TENM2: variants seen among roughly 807,000 people sequenced by gnomAD.
TENM2 encodes the protein teneurin-2.
A neutral mutation model predicts 245.2 loss-of-function variants in TENM2; 52 were observed. That is an observed-to-expected ratio of 0.21 (90% CI 0.17 to 0.27). The LOEUF is 0.27. Ranked by LOEUF, TENM2 falls within the 10% of genes least tolerant of loss-of-function variation. The probability of loss-of-function intolerance (pLI) is 1.00; values close to 1 mark genes in which losing one functional copy is unlikely to be tolerated. For synonymous variants in TENM2, 1,363 were observed against 1,438.9 expected, an observed-to-expected ratio of 0.95 and a Z score of 1.19; for missense variants, 3,046 against 3,666.8, an observed-to-expected ratio of 0.83 and a Z score of 4.37.
Position 167,538,880 on chromosome 5 carries a change from A to C in TENM2, c.502+163407A>C, listed in dbSNP as rs538237243. ...GTCGAAACGCAGAAGGCAAAATAAG[A>C]GTTAGGCTCTCTCTAGGCTCAGTAT... On this transcript the variant is annotated intron_variant, in intron 2 of 28. Transcript: ENST00000518659. Among the ~76,000 whole-genome samples the C allele has an allele frequency of 2.5e-3, 386 of 152,276 alleles. 2 individuals carry two copies. Among genetic ancestry groups the C allele is most frequent in the Non-Finnish European group, 4.6e-3 (311 of 68,006 alleles).
At chr5:167,595,787 G>A (rs1014366492) in intron 2 of TENM2, among the ~76,000 whole-genome samples, 1 of 152,154 alleles carries the variant, frequency 6.6e-6, no homozygotes, top group Non-Finnish European at 1.5e-5. Flanking sequence ...TGTTTGTAAT[G>A]TACAAATAGA....
intron 2 of TENM2, among the ~76,000 whole-genome samples, chr5:167,694,100 C>A (rs1757608000): frequency 6.6e-6 from 1 of 152,204 alleles, no homozygotes; most frequent in Non-Finnish European, 1.5e-5. Flanking sequence ...CAAAAATCAT[C>A]AGCCTCCTAA....
intron 2 of TENM2, among the ~76,000 whole-genome samples, chr5:167,848,461 T>C (rs752623015): frequency 6.6e-6 from 1 of 152,174 alleles, no homozygotes; most frequent in African/African-American, 2.4e-5. Flanking sequence ...AAACATATTA[T>C]ATATTTTGTA....
At chr5:167,810,555 A>T (rs547624318) in intron 2 of TENM2, among the ~76,000 whole-genome samples, 1 of 151,918 alleles carries the variant, frequency 6.6e-6, no homozygotes, top group Non-Finnish European at 1.5e-5. Context: ...AGCTTACAGG[A>T]TTATTGCTCT....
chr5:167,993,480 C>T (rs1783823004), intron 5 of TENM2, among the ~76,000 whole-genome samples: 1 of 152,252 alleles, frequency 6.6e-6, no homozygotes, highest in Admixed American at 6.5e-5. Flanking sequence ...CTATCCCTCA[C>T]TCTCAGAGTG....
intron 13 of TENM2, among the ~76,000 whole-genome samples, chr5:168,173,548 T>C (rs1403569755): frequency 6.6e-6 from 1 of 152,074 alleles, no homozygotes; most frequent in Non-Finnish European, 1.5e-5. Context: ...TCAGACCTCT[T>C]GTCATTGATG....
In TENM2 at chr5:168,190,561, G is replaced by C. The variant is rs1167881176; in HGVS notation, c.2780+14G>C. On this transcript the variant is annotated intron_variant, in intron 14 of 28. Transcript: ENST00000518659. ...TTTCAACAGCAGGTAGGCACCCTCT[G>C]TCCCTGCAAACTCCTGAAGTCTCTG... 56 of 1,609,058 alleles carry C rather than the reference G, an allele frequency of 3.5e-5. No individual in the cohort carries two copies. The Admixed American group carries it at 8.5e-4, about 24-fold the overall frequency.
rs192975280 is a variant in TENM2, at chr5:167,597,239, A to G, written c.502+221766A>G. 6.4e-4 allele frequency among the ~76,000 whole-genome samples: 92 copies of G among 144,716 alleles called. 2 individuals are homozygous for G. The East Asian group carries it at 0.016, about 25-fold the overall frequency. 94.9% of individuals were successfully genotyped at this position (144,716 alleles called of 152,430 possible). A position where few individuals can be genotyped will look rare whatever the true frequency, so the allele number is the denominator to read the frequency against. ...GAGTGCAGTGGCACAATCTGAGCTC[A>G]CTGCAATCTCCACCTCCTAGTTTCA... On this transcript the variant is annotated intron_variant, in intron 2 of 28. Coordinates refer to ENST00000518659, the Ensembl canonical transcript of TENM2.
intron 2 of TENM2, among the ~76,000 whole-genome samples, chr5:167,452,154 G>A (rs1432260512): frequency 6.6e-6 from 1 of 152,140 alleles, no homozygotes; most frequent in Admixed American, 6.5e-5. Context: ...GGAAATATTG[G>A]CTCAAATCAG....
chr5:168,193,532 A>G (rs2152516134), intron 14 of TENM2, among the ~76,000 whole-genome samples: 1 of 152,364 alleles, frequency 6.6e-6, no homozygotes, highest in South Asian at 2.1e-4. Flanking sequence ...GGAAGCCAGC[A>G]GCAAGGAAGA....
At chr5:167,294,723 G>C (rs966655554) in intron 1 of TENM2, among the ~76,000 whole-genome samples, 2 of 151,830 alleles carry the variant, frequency 1.3e-5, no homozygotes, top group African/African-American at 4.8e-5. Flanking sequence ...TTTGAATCAA[G>C]TGCCAGTCTA....
chr5:167,976,575 T>A (rs549002953), intron 4 of TENM2, among the ~76,000 whole-genome samples: 1 of 152,186 alleles, frequency 6.6e-6, no homozygotes, highest in Non-Finnish European at 1.5e-5. Context: ...TCTGATCTTA[T>A]GACAGAAGTA....
chr5:167,574,009 A>C (rs1197583658), intron 2 of TENM2: 1 of 152,118 alleles, frequency 6.6e-6, no homozygotes, highest in East Asian at 1.9e-4. Flanking sequence ...AAGGGAAGGA[A>C]GCCTTCAGCT....
chr5:167,760,362 G>T (rs949487458), intron 2 of TENM2, among the ~76,000 whole-genome samples: 2 of 152,222 alleles, frequency 1.3e-5, no homozygotes, highest in South Asian at 2.1e-4. Flanking sequence ...GGCAAGGAAA[G>T]AATTTAATAC....
At chr5:167,484,005 A>T (rs1185386009) in intron 2 of TENM2, among the ~76,000 whole-genome samples, 1 of 152,172 alleles carries the variant, frequency 6.6e-6, no homozygotes, top group Non-Finnish European at 1.5e-5. Context: ...GTGTACATAC[A>T]TGTACATATA....
the TENM2 span, among the ~76,000 whole-genome samples, chr5:167,081,132 T>A: frequency 3.3e-5 from 5 of 151,810 alleles, no homozygotes; most frequent in African/African-American, 1.2e-4. Context: ...AAAAAATCAA[T>A]ATCTTCAAGC....
chr5:166,984,008 AAGTC>A, the TENM2 span, among the ~76,000 whole-genome samples: 2 of 152,140 alleles, frequency 1.3e-5, no homozygotes, highest in Non-Finnish European at 2.9e-5. Context: ...AGCTTTCAAA[AAGTC>A]AGTCAGTTTT....
In TENM2 at chr5:168,006,655, T is replaced by C. The variant is rs941586456; in HGVS notation, c.1186+13473T>C. Among the ~76,000 whole-genome samples, 15 of 152,328 alleles carry C rather than the reference T, an allele frequency of 9.8e-5. 1 individual carries two copies. Among genetic ancestry groups the C allele is most frequent in the Admixed American group, 9.8e-4 (15 of 15,304 alleles). On this transcript the variant is annotated intron_variant, in intron 5 of 28. Transcript: ENST00000518659. The stretch of plus-strand genomic sequence containing the variant: ...AGGCCTCAGAAATAGAAATAGCTTT[T>C]TCATTACATGAGGGATTATGTTCAG...
intron 2 of TENM2, among the ~76,000 whole-genome samples, chr5:167,742,066 C>T (rs1761215012): frequency 6.6e-6 from 1 of 152,144 alleles, no homozygotes; most frequent in African/African-American, 2.4e-5. Context: ...AAAGAAATAT[C>T]CTAAGTGGCA....
Sources: gnomAD v4.1 joint callset for allele counts (sites outside exome capture counted in the v4.1 genomes callset) on GRCh38, gnomAD v4.1.1 for gene constraint, MANE v1.5 for transcripts, NCBI Gene and HGNC (gene_info 2026-07-23, HGNC 2026-07-21) for gene names.